PABPC4L: variants seen among roughly 807,000 people sequenced by gnomAD.
PABPC4L encodes poly(A) binding protein cytoplasmic 4 like, also known as polyadenylate-binding protein 4-like.
For synonymous variants in PABPC4L, 169 were observed against 164.1 expected (o/e 1.03, Z -0.23); for missense variants, 452 against 451.4 (o/e 1.00, Z -0.01).
At chr4:134,001,098 T>C in the PABPC4L span, among the ~76,000 whole-genome samples, 2 of 151,950 alleles carry the variant, frequency 1.3e-5, no homozygotes, top group African/African-American at 2.4e-5. Context: ...ACAGCACATA[T>C]GAAATTTTTA....
At chr4:134,173,123 A>T in the PABPC4L span, among the ~76,000 whole-genome samples, 1 of 147,958 alleles carries the variant, frequency 6.8e-6, no homozygotes, top group Admixed American at 6.8e-5. Context: ...AATTTAAATT[A>T]GAAGAGCTAC....
the PABPC4L span, among the ~76,000 whole-genome samples, chr4:134,098,860 G>C: frequency 2.6e-5 from 4 of 151,712 alleles, no homozygotes; most frequent in South Asian, 8.3e-4. Flanking sequence ...ATTTTGTTTC[G>C]AGAAGGAATA....
the PABPC4L span, among the ~76,000 whole-genome samples, chr4:134,022,429 C>T: frequency 6.6e-6 from 1 of 151,982 alleles, no homozygotes; most frequent in Non-Finnish European, 1.5e-5. Context: ...CATGCATGCA[C>T]GCACACACGC....
chr4:134,080,111 ATATATG>A, the PABPC4L span, among the ~76,000 whole-genome samples: 77 of 152,266 alleles, frequency 5.1e-4, no homozygotes, highest in African/African-American at 1.8e-3. Flanking sequence ...AAGAAGATAA[ATATATG>A]TGGTTTAATC....
At chr4:134,142,958 TGTCTA>T in the PABPC4L span, among the ~76,000 whole-genome samples, 1 of 151,620 alleles carries the variant, frequency 6.6e-6, no homozygotes, top group African/African-American at 2.4e-5. Flanking sequence ...TATGGGGCCT[TGTCTA>T]GTCTAGTCAG....
At chr4:134,115,380 G>A in the PABPC4L span, among the ~76,000 whole-genome samples, 1 of 151,742 alleles carries the variant, frequency 6.6e-6, no homozygotes, top group Admixed American at 6.6e-5. Context: ...CAAGTAGAGA[G>A]AGGGGGAGAA....
chr4:134,087,295 T>C, the PABPC4L span, among the ~76,000 whole-genome samples: 657 of 152,084 alleles, frequency 4.3e-3, 8 homozygotes, highest in African/African-American at 0.015. Context: ...ATGGATGAAA[T>C]TGGAAATCAT....
the PABPC4L span, among the ~76,000 whole-genome samples, chr4:134,160,069 C>T: frequency 6.6e-6 from 1 of 152,134 alleles, no homozygotes; most frequent in South Asian, 2.1e-4. Flanking sequence ...GGATTCACCA[C>T]CTGCTGCTTA....
At chr4:134,030,555 A>G in the PABPC4L span, among the ~76,000 whole-genome samples, 551 of 151,856 alleles carry the variant, frequency 3.6e-3, 2 homozygotes, top group African/African-American at 0.013. Context: ...TGACATATGC[A>G]CAGATCAGTA....
At chr4:133,976,817 T>A in the PABPC4L span, among the ~76,000 whole-genome samples, 2 of 152,180 alleles carry the variant, frequency 1.3e-5, no homozygotes, top group East Asian at 3.9e-4. Flanking sequence ...TGTTTGTTTA[T>A]TCCTTGTAAA....
the PABPC4L span, among the ~76,000 whole-genome samples, chr4:133,994,790 C>T: frequency 3.9e-5 from 6 of 152,018 alleles, no homozygotes; most frequent in African/African-American, 1.5e-4. Flanking sequence ...ATCTTTGATC[C>T]AGGTAGAAGA....
At chr4:134,132,966 T>C in the PABPC4L span, among the ~76,000 whole-genome samples, 1 of 143,618 alleles carries the variant, frequency 7.0e-6, no homozygotes, top group Non-Finnish European at 1.5e-5. Context: ...TGTATAAATA[T>C]TATATATTAT....
chr4:133,989,045 A>C, the PABPC4L span, among the ~76,000 whole-genome samples: 1 of 152,130 alleles, frequency 6.6e-6, no homozygotes. Flanking sequence ...CAACTGAGAC[A>C]CATGGCACCA....
the PABPC4L span, among the ~76,000 whole-genome samples, chr4:134,143,857 T>C: frequency 4.0e-5 from 6 of 151,556 alleles, no homozygotes; most frequent in Admixed American, 3.3e-4. Context: ...CTCTGTTTTT[T>C]ACCACTATGA....
the PABPC4L span, among the ~76,000 whole-genome samples, chr4:134,004,843 A>G: frequency 1.9e-4 from 29 of 151,906 alleles, no homozygotes; most frequent in African/African-American, 6.8e-4. Flanking sequence ...TATGTTAAGG[A>G]GATAAGCTAG....
chr4:134,151,984 A>T, the PABPC4L span, among the ~76,000 whole-genome samples: 2 of 151,866 alleles, frequency 1.3e-5, no homozygotes, highest in Non-Finnish European at 2.9e-5. Context: ...TTTTATGTCC[A>T]TATCAATTTA....
chr4:134,041,727 A>G, the PABPC4L span, among the ~76,000 whole-genome samples: 6 of 152,038 alleles, frequency 3.9e-5, no homozygotes, highest in Non-Finnish European at 8.8e-5. Flanking sequence ...AAAAAAAGAT[A>G]CCACTTTGCC....
At chr4:134,141,208 T>C in the PABPC4L span, among the ~76,000 whole-genome samples, 1 of 151,656 alleles carries the variant, frequency 6.6e-6, no homozygotes, top group African/African-American at 2.4e-5. Context: ...GTCCAAGTCA[T>C]GCAGTTCCAA....
chr4:134,171,961 G>C, the PABPC4L span, among the ~76,000 whole-genome samples: 53,372 of 151,350 alleles, frequency 0.35, 11,940 homozygotes, highest in East Asian at 0.97. Flanking sequence ...ACCTAACAGG[G>C]GCATGAAATA....
Sources: gnomAD v4.1 joint callset for allele counts (sites outside exome capture counted in the v4.1 genomes callset) on GRCh38, gnomAD v4.1.1 for gene constraint, MANE v1.5 for transcripts, NCBI Gene and HGNC (gene_info 2026-07-23, HGNC 2026-07-21) for gene names.